RAB22A: variants seen among roughly 807,000 people sequenced by gnomAD.
RAB22A encodes ras-related protein Rab-22A.
Under a neutral mutation model 30.2 loss-of-function variants are expected in RAB22A, and 13 were observed. The ratio of observed to expected loss-of-function variants is 0.43; its 90% CI spans 0.28 to 0.68. RAB22A has a LOEUF of 0.68. Among genes scored for constraint, RAB22A ranks in the 30% least tolerant of loss-of-function variants. The pLI is 0.18. For missense variants in RAB22A, 177 were observed against 246.8 expected (o/e 0.72, Z 1.89); for synonymous variants, 89 against 87.2 (o/e 1.02, Z -0.11).
chr20:58,364,182 A>G lies in RAB22A; in HGVS notation c.*4479A>G, dbSNP rs1048456966. Reference sequence around the variant, plus strand: ...GAGAGGCCTATTGTGATGAAGTTGCATTGGACATAATGTGGGAAGTGAATA... The same window carrying G: ...GAGAGGCCTATTGTGATGAAGTTGCGTTGGACATAATGTGGGAAGTGAATA... On this transcript the variant is annotated 3_prime_UTR_variant, in exon 7 of 7. Coordinates refer to ENST00000244040, the MANE Select transcript of RAB22A (RefSeq NM_020673.3). The G allele has an allele frequency of 6.6e-6, 1 of 152,588 alleles. No individual in the cohort carries two copies. The allele number at this position is 152,588 out of a possible 1,614,324, so 9.5% of individuals were successfully genotyped here. A position where few individuals can be genotyped will look rare whatever the true frequency, so the allele number is the denominator to read the frequency against.
At chr20:58,324,184 C>T (rs189293890) in intron 2 of RAB22A, among the ~76,000 whole-genome samples, 2 of 152,210 alleles carry the variant, frequency 1.3e-5, no homozygotes, top group Admixed American at 1.3e-4. Flanking sequence ...TCAGTGTTGC[C>T]ATCTGGGCTT....
At chr20:58,317,218 T>TGTAGCTCGAG (rs1986359523) in intron 2 of RAB22A, among the ~76,000 whole-genome samples, 1 of 152,062 alleles carries the variant, frequency 6.6e-6, no homozygotes, top group African/African-American at 2.4e-5. Context: ...TGTTTCGACC[T>TGTAGCTCGAG]CCCGAGTAGC....
intron 6 of RAB22A, among the ~76,000 whole-genome samples, chr20:58,358,469 G>A (rs992427895): frequency 1.3e-5 from 2 of 152,232 alleles, no homozygotes; most frequent in Non-Finnish European, 2.9e-5. Flanking sequence ...ATACTCGTAA[G>A]TTCAGAAAGA....
Position 58,309,931 on chromosome 20 carries a change from T to C in RAB22A, c.-46T>C. ...CTCTTGCTGGGCCTGGCCTCTCCCT[T>C]CTCAACTTAGGGCGGCGGCGGGCCC... On this transcript the variant is annotated 5_prime_UTR_variant, in exon 1 of 7. Transcript: ENST00000244040. 8.0e-7 allele frequency: 1 copy of C among 1,257,180 alleles called. No individual in the cohort carries two copies. The highest frequency in any genetic ancestry group is 1.0e-6 in the Non-Finnish European group (1 of 993,480). 77.9% of individuals were successfully genotyped at this position (1,257,180 alleles called of 1,614,324 possible).
intron 2 of RAB22A, among the ~76,000 whole-genome samples, chr20:58,341,860 A>G (rs910001272): frequency 6.6e-6 from 1 of 152,174 alleles, no homozygotes; most frequent in African/African-American, 2.4e-5. Flanking sequence ...TGAGCAGCCA[A>G]AATGGAAGTG....
chr20:58,326,213 T>G (rs1986567071), intron 2 of RAB22A, among the ~76,000 whole-genome samples: 1 of 152,194 alleles, frequency 6.6e-6, no homozygotes, highest in Admixed American at 6.5e-5. Flanking sequence ...ATGATTTGAT[T>G]TTGATAACGT....
intron 2 of RAB22A, among the ~76,000 whole-genome samples, chr20:58,312,006 G>A (rs568971183): frequency 1.4e-4 from 21 of 152,098 alleles, no homozygotes; most frequent in Middle Eastern, 3.4e-3. Context: ...CCCAGGCTGC[G>A]GTGCAATGGC....
chr20:58,352,840 G>C (rs1987075639), intron 3 of RAB22A, among the ~76,000 whole-genome samples: 1 of 152,226 alleles, frequency 6.6e-6, no homozygotes, highest in Non-Finnish European at 1.5e-5. Context: ...AGGACAATCA[G>C]TGTTCAGATT....
intron 2 of RAB22A, among the ~76,000 whole-genome samples, chr20:58,343,119 A>T (rs1394368334): frequency 6.6e-6 from 1 of 152,158 alleles, no homozygotes; most frequent in Non-Finnish European, 1.5e-5. Flanking sequence ...ACTTCAGCTG[A>T]GAAACCCGTT....
chr20:58,309,740 T>TGGC lies in RAB22A; in HGVS notation c.-224_-222dup, dbSNP rs1018030084. 155 of 243,756 alleles carry TGGC rather than the reference T, an allele frequency of 6.4e-4. No homozygotes were observed. The highest frequency in any genetic ancestry group is 1.6e-3 in the Admixed American group (28 of 17,694). 15.1% of individuals were successfully genotyped at this position (243,756 alleles called of 1,614,324 possible). A position where few individuals can be genotyped will look rare whatever the true frequency, so the allele number is the denominator to read the frequency against. On this transcript the variant is annotated 5_prime_UTR_variant, in exon 1 of 7. Transcript: ENST00000244040. ...AGGTGACGCGGCCGGCGTCCCAAGA[T>TGGC]GGCGGCGGCGGCGGCTCCCGGAAGG...
chr20:58,354,631 C>T (rs1252414183), intron 6 of RAB22A, among the ~76,000 whole-genome samples: 1 of 152,052 alleles, frequency 6.6e-6, no homozygotes, highest in Non-Finnish European at 1.5e-5. Context: ...GGTAAGAAAA[C>T]CCTCAAAAAT....
rs192180622 is a variant in RAB22A, at chr20:58,350,023, A to C, written c.199-3250A>C. Among the ~76,000 whole-genome samples the C allele has an allele frequency of 1.6e-4, 24 of 152,340 alleles. No individual in the cohort carries two copies. In the East Asian group the frequency reaches 4.6e-3, roughly 29 times the overall value. On this transcript the variant is annotated intron_variant, in intron 3 of 6. Coordinates refer to ENST00000244040, the MANE Select transcript of RAB22A (RefSeq NM_020673.3). ...ATGCCTTTAATCCCAGCACTTTGGA[A>C]GGCCGAGACAGGCATATTGCTTGAG... is the stretch of plus-strand genomic sequence containing the variant.
At chr20:58,337,618 G>A (rs1193703062) in intron 2 of RAB22A, among the ~76,000 whole-genome samples, 1 of 152,156 alleles carries the variant, frequency 6.6e-6, no homozygotes, top group Non-Finnish European at 1.5e-5. Flanking sequence ...TGAGGGCTGT[G>A]ATGGGCTCTT....
chr20:58,357,565 T>G (rs1987152385), intron 6 of RAB22A, among the ~76,000 whole-genome samples: 1 of 152,244 alleles, frequency 6.6e-6, no homozygotes, highest in African/African-American at 2.4e-5. Context: ...AATATTCTCC[T>G]CTTATTTCTT....
chr20:58,339,129 C>T (rs777794708), intron 2 of RAB22A, among the ~76,000 whole-genome samples: 1 of 152,168 alleles, frequency 6.6e-6, no homozygotes, highest in African/African-American at 2.4e-5. Flanking sequence ...ATTGAGAGCA[C>T]GTACTCTGAC....
chr20:58,354,075 T>G, intron 5 of RAB22A, 81 bp from the exon 6 acceptor site: 1 of 931,538 alleles, frequency 1.1e-6, no homozygotes. Flanking sequence ...TCATCATAAA[T>G]CTGGTTAACT....
In RAB22A at chr20:58,361,762, C is replaced by T. The variant is rs1002444777; in HGVS notation, c.*2059C>T. The T allele has an allele frequency of 3.3e-5, 5 of 152,126 alleles. No homozygotes were observed. In the East Asian group the frequency reaches 9.7e-4, roughly 29 times the overall value. 9.4% of individuals were successfully genotyped at this position (152,126 alleles called of 1,614,324 possible). On this transcript the variant is annotated 3_prime_UTR_variant, in exon 7 of 7. Transcript: ENST00000244040. ...GCAAAGCATGTGCGACCCTTTCTGT[C>T]TTATTTTACCAAAAGATGGTGCAAA... is the stretch of plus-strand genomic sequence containing the variant.
At chr20:58,326,289 C>A (rs1037464854) in intron 2 of RAB22A, among the ~76,000 whole-genome samples, 1 of 152,022 alleles carries the variant, frequency 6.6e-6, no homozygotes, top group African/African-American at 2.4e-5. Flanking sequence ...CAGAAAGTTC[C>A]CTCTGTGAAT....
chr20:58,334,378 C>T (rs1223224267), intron 2 of RAB22A, among the ~76,000 whole-genome samples: 2 of 151,672 alleles, frequency 1.3e-5, no homozygotes, highest in African/African-American at 4.8e-5. Context: ...TGAATACTGC[C>T]GTCCATATTT....
Sources: gnomAD v4.1 joint callset for allele counts (sites outside exome capture counted in the v4.1 genomes callset) on GRCh38, gnomAD v4.1.1 for gene constraint, MANE v1.5 for transcripts, NCBI Gene and HGNC (gene_info 2026-07-23, HGNC 2026-07-21) for gene names.